LARP1B: variants seen among roughly 807,000 people sequenced by gnomAD.
LARP1B encodes la-related protein 1B.
LARP1B carries 76 observed loss-of-function variants against 114.2 expected under a neutral mutation model. The ratio of observed to expected loss-of-function variants is 0.67; its 90% confidence interval spans 0.55 to 0.81. The LOEUF (loss-of-function observed/expected upper bound fraction) is 0.81, where lower values mean the gene tolerates loss of function less well. LARP1B is among the 30% of genes least tolerant of loss of function. The probability of loss-of-function intolerance (pLI) is 0.00; values close to 1 mark genes in which losing one functional copy is unlikely to be tolerated. For missense variants in LARP1B, 1,014 were observed against 1,075.8 expected, an observed-to-expected ratio of 0.94 and a Z score of 0.80; for synonymous variants, 345 against 348.0, an observed-to-expected ratio of 0.99 and a Z score of 0.10.
At chr4:128,196,739 C>T (rs1287451375) in intron 15 of LARP1B, among the ~76,000 whole-genome samples, 2 of 151,844 alleles carry the variant, frequency 1.3e-5, no homozygotes, top group Non-Finnish European at 2.9e-5. Flanking sequence ...ATTGTATGCC[C>T]ATGTTTGTAG....
At chr4:128,135,320 T>C (rs1793019978) in intron 11 of LARP1B, among the ~76,000 whole-genome samples, 1 of 152,234 alleles carries the variant, frequency 6.6e-6, no homozygotes, top group Non-Finnish European at 1.5e-5. Context: ...CGAACTCTCA[T>C]GTGAATGTAA....
chr4:128,210,414 C>T lies in LARP1B; in HGVS notation c.*361C>T. The T allele has an allele frequency of 1.9e-6, 2 of 1,043,262 alleles. No individual in the cohort carries two copies. Among genetic ancestry groups the T allele is most frequent in the Non-Finnish European group, 2.3e-6 (2 of 863,806 alleles). 64.6% of individuals were successfully genotyped at this position (1,043,262 alleles called of 1,614,324 possible). ...AAAAAACAATACAAGGAATGCCTAA[C>T]ATTTCAGCTCATACTTCTTAAAGAA... On this transcript the variant is annotated 3_prime_UTR_variant, in exon 20 of 20. Coordinates refer to ENST00000326639, the MANE Select transcript of LARP1B (RefSeq NM_018078.4).
At chr4:128,106,954 T>C (rs900568458) in intron 8 of LARP1B, among the ~76,000 whole-genome samples, 185 bp from the exon 9 acceptor site, 1 of 152,224 alleles carries the variant, frequency 6.6e-6, no homozygotes, top group African/African-American at 2.4e-5. Context: ...GATCAGGATA[T>C]TTGTTACCTT....
At chr4:128,138,112 A>G (rs1726266560) in intron 11 of LARP1B, among the ~76,000 whole-genome samples, 1 of 152,224 alleles carries the variant, frequency 6.6e-6, no homozygotes, top group Non-Finnish European at 1.5e-5. Context: ...TCCCATAAAA[A>G]ATATGGAAGG....
chr4:128,071,913 A>C (rs1236970919), intron 1 of LARP1B, among the ~76,000 whole-genome samples: 1 of 152,132 alleles, frequency 6.6e-6, no homozygotes, highest in Non-Finnish European at 1.5e-5. Flanking sequence ...CTAGCCCTTA[A>C]AAATATATTA....
At chr4:128,203,443 G>A (rs964166068) in intron 17 of LARP1B, among the ~76,000 whole-genome samples, 2 of 150,430 alleles carry the variant, frequency 1.3e-5, no homozygotes, top group African/African-American at 2.4e-5. Context: ...TCGCGATCTC[G>A]GCTCACTGCA....
At chr4:128,103,621 G>A (rs961470641) in intron 8 of LARP1B, among the ~76,000 whole-genome samples, 1 of 148,606 alleles carries the variant, frequency 6.7e-6, no homozygotes, top group Non-Finnish European at 1.5e-5. Context: ...GGAGTGCGGT[G>A]GCATGATCTT....
intron 17 of LARP1B, among the ~76,000 whole-genome samples, chr4:128,201,381 C>G (rs1055261269): frequency 6.6e-6 from 1 of 152,176 alleles, no homozygotes; most frequent in African/African-American, 2.4e-5. Context: ...CCATTACAGA[C>G]TTCCCTTGCA....
intron 11 of LARP1B, among the ~76,000 whole-genome samples, chr4:128,128,145 A>T (rs931532654): frequency 6.6e-6 from 1 of 152,228 alleles, no homozygotes; most frequent in Non-Finnish European, 1.5e-5. Context: ...AGTTAAATTC[A>T]TAAATTTAAG....
At chr4:128,067,623 C>T (rs1417953838) in intron 1 of LARP1B, among the ~76,000 whole-genome samples, 1 of 152,048 alleles carries the variant, frequency 6.6e-6, no homozygotes, top group Non-Finnish European at 1.5e-5. Flanking sequence ...CCCAAGAGGC[C>T]TTTTATCTTG....
At chr4:128,066,030 G>T (rs1762653974) in intron 1 of LARP1B, among the ~76,000 whole-genome samples, 1 of 151,456 alleles carries the variant, frequency 6.6e-6, no homozygotes. Context: ...AGAGACAGGG[G>T]CCCCCTTTGT....
At chr4:128,107,090 C>T in intron 8 of LARP1B, 49 bp from the exon 9 acceptor site, 1 of 1,494,368 alleles carries the variant, frequency 6.7e-7, no homozygotes, top group Middle Eastern at 2.0e-4. Flanking sequence ...AAGTATAGCA[C>T]AGACAGTGAA....
At chr4:128,194,097 A>G (rs1753194299) in intron 15 of LARP1B, among the ~76,000 whole-genome samples, 1 of 151,874 alleles carries the variant, frequency 6.6e-6, no homozygotes, top group African/African-American at 2.4e-5. Context: ...ATTGAGATGC[A>G]GTTTCACTCA....
chr4:128,144,221 A>T (rs1468861009), intron 11 of LARP1B, among the ~76,000 whole-genome samples: 1 of 152,098 alleles, frequency 6.6e-6, no homozygotes, highest in African/African-American at 2.4e-5. Flanking sequence ...GTCCCCTTGT[A>T]TGTAATGTGT....
At chr4:128,135,672 C>G (rs1011995751) in intron 11 of LARP1B, among the ~76,000 whole-genome samples, 1 of 152,152 alleles carries the variant, frequency 6.6e-6, no homozygotes, top group Admixed American at 6.6e-5. Context: ...CACAAAAAGA[C>G]TCAGTCGAAG....
At chr4:128,168,560 G>A (rs1742161217) in intron 12 of LARP1B, among the ~76,000 whole-genome samples, 1 of 151,888 alleles carries the variant, frequency 6.6e-6, no homozygotes, top group Admixed American at 6.6e-5. Context: ...TATCTTTTGG[G>A]CCAGTTGCAG....
chr4:128,143,532 C>CTCTAAA (rs764105828), intron 11 of LARP1B, among the ~76,000 whole-genome samples: 89,926 of 151,808 alleles, frequency 0.59, 27,736 homozygotes, highest in Middle Eastern at 0.8. Flanking sequence ...GTGGGTGGAG[C>CTCTAAA]TAATTAAACT....
At chr4:128,105,675 A>C (rs1307555426) in intron 8 of LARP1B, among the ~76,000 whole-genome samples, 1 of 152,112 alleles carries the variant, frequency 6.6e-6, no homozygotes, top group African/African-American at 2.4e-5. Context: ...GTGGATCATG[A>C]GGTCAGGAGT....
At chr4:128,136,333 A>C (rs1580863365) in intron 11 of LARP1B, among the ~76,000 whole-genome samples, 1 of 151,058 alleles carries the variant, frequency 6.6e-6, no homozygotes, top group Admixed American at 6.6e-5. Flanking sequence ...AAAAAACAAA[A>C]AAACAAAACA....
Sources: allele counts gnomAD v4.1 joint callset (sites outside exome capture counted in the v4.1 genomes callset), GRCh38; gene constraint gnomAD v4.1.1; transcripts MANE v1.5; gene names NCBI Gene and HGNC (gene_info 2026-07-23, HGNC 2026-07-21).